Variants in CPNE3 observed in about 807,000 individuals in gnomAD.
The protein encoded by CPNE3 is copine-3.
In CPNE3, 68 loss-of-function variants were observed where a neutral mutation model predicts 63.9. The ratio of observed to expected loss-of-function variants is 1.06; its 90% CI spans 0.87 to 1.30. CPNE3 has a LOEUF of 1.30. Ranked by LOEUF, CPNE3 falls within the 50% of genes most tolerant of loss-of-function variation. The pLI is 0.00. For synonymous variants in CPNE3, 219 were observed against 197.5 expected (o/e 1.11, Z -0.91); for missense variants, 665 against 578.1 (o/e 1.15, Z -1.54).
rs147297693 is a variant in CPNE3 at position 86,551,856 on chromosome 8, G to A, written c.1120+622G>A. ...TTTAAAAAAATAGAGACAAGGTCTC[G>A]CTATGTTGGCCAGGCTGGTCTTGAA... On this transcript the variant is annotated intron_variant, in intron 14 of 16. Coordinates refer to ENST00000517490, the MANE Select transcript of CPNE3 (RefSeq NM_003909.5). Among the ~76,000 whole-genome samples the A allele has an allele frequency of 5.9e-5, 9 of 152,282 alleles. No individual in the cohort carries two copies. The South Asian group carries it at 6.2e-4, about 11-fold the overall frequency.
rs1446525803 is a variant in CPNE3 at position 86,551,067 on chromosome 8, T to A, written c.1035T>A (p.Phe345Leu). 4 of 1,609,898 alleles carry A rather than the reference T, an allele frequency of 2.5e-6. No homozygotes were observed. The highest frequency in any genetic ancestry group is 3.4e-6 in the Non-Finnish European group (4 of 1,177,988). ...DYDADKMFPA[F>L]GFGAQIPPQW... ...TTAGTGATAAGATGTTTCCAGCTTT[T>A]GGTTTTGGCGCTCAGATACCTCCTC... The change falls in exon 13 of 17, where the codon TTT becomes TTA. Residue 345 changes from phenylalanine (F) to leucine (L), a missense_variant. Phe to Leu is a conservative substitution (Grantham distance 22). Coordinates refer to ENST00000517490, the MANE Select transcript of CPNE3 (RefSeq NM_003909.5).
rs942686420 is a variant in CPNE3 at position 86,558,592 on chromosome 8, T to C, written c.*182T>C. The C allele has an allele frequency of 1.1e-4, 62 of 547,024 alleles. No individual in the cohort carries two copies. Among genetic ancestry groups the C allele is most frequent in the Middle Eastern group, 9.1e-4 (3 of 3,306 alleles). The allele number at this position is 547,024 out of a possible 1,614,324, so 33.9% of individuals were successfully genotyped here. On this transcript the variant is annotated 3_prime_UTR_variant, in exon 17 of 17. Coordinates refer to ENST00000517490, the MANE Select transcript of CPNE3 (RefSeq NM_003909.5). ...TTTTGGGGGGACAGTGCCAAGTCCA[T>C]CTTTGCCCAGTCAATTCAGTGATTG... is the stretch of plus-strand genomic sequence containing the variant.
rs754566680 is a variant in CPNE3 at position 86,544,768 on chromosome 8, G to A, written c.662G>A (p.Gly221Glu). 1.3e-6 allele frequency: 2 copies of A among 1,555,090 alleles called. No homozygotes were observed. The highest frequency in any genetic ancestry group is 1.4e-5 in the African/African-American group (1 of 72,098). ...GAGTGTTATGATTATGACAATGATG[G>A]GTCACATGATCTCATTGGAACATTT... ...KVECYDYDND[G>E]SHDLIGTFQT... The change falls in exon 9 of 17, where the codon GGG (glycine) becomes GAG (glutamate). Residue 221 changes from glycine to glutamate, a missense_variant. By Grantham distance (98) the Gly-to-Glu change is moderately conservative. Coordinates refer to ENST00000517490, the MANE Select transcript of CPNE3 (RefSeq NM_003909.5).
In CPNE3 at chr8:86,533,456, AG is replaced by A. The variant is rs573266257; in HGVS notation, c.459+878del. ...TGAGGTGGGAGGATTGCTTGAGCCC[AG>A]GAGGTCAAAACTACAGTGAGCAGTG... On this transcript the variant is annotated intron_variant, in intron 6 of 16. Transcript: ENST00000517490. Among the ~76,000 whole-genome samples the A allele has an allele frequency of 8.5e-5, 13 of 152,236 alleles. No individual in the cohort carries two copies. In the South Asian group the frequency reaches 2.5e-3, roughly 29 times the overall value.
chr8:86,517,918 A>G (rs917409127), intron 2 of CPNE3, among the ~76,000 whole-genome samples: 3 of 152,212 alleles, frequency 2.0e-5, no homozygotes, highest in African/African-American at 7.2e-5. Flanking sequence ...TGATTGGGAA[A>G]TATAAAGGGA....
chr8:86,534,737 TAGAG>T (rs1459665860), intron 6 of CPNE3, among the ~76,000 whole-genome samples: 4 of 152,212 alleles, frequency 2.6e-5, no homozygotes, highest in Non-Finnish European at 4.4e-5. Context: ...AATCTTTCTA[TAGAG>T]AGAAACTTCC....
chr8:86,550,324 C>T (rs902196537), intron 12 of CPNE3, among the ~76,000 whole-genome samples: 1 of 152,168 alleles, frequency 6.6e-6, no homozygotes, highest in Non-Finnish European at 1.5e-5. Flanking sequence ...TCACAGTTCA[C>T]TGCAGCCTCC....
chr8:86,522,396 G>A (rs1820453353), intron 2 of CPNE3, among the ~76,000 whole-genome samples: 2 of 152,044 alleles, frequency 1.3e-5, no homozygotes, highest in South Asian at 2.1e-4. Context: ...TGAGCTACAA[G>A]CGCTTCTGTT....
chr8:86,558,328 T>C lies in CPNE3; in HGVS notation c.1532T>C (p.Ile511Thr). The stretch of plus-strand genomic sequence containing the variant: ...CTTGCTCAGTGTGTCTTGGCAGAGA[T>C]TCCCCAGCAGGTGGTGGGCTACTTC... The part of the protein sequence containing the change: ...EALAQCVLAE[I>T]PQQVVGYFNT... Residue 511 changes from isoleucine to threonine, a missense_variant, in exon 17 of 17, where the codon ATT (isoleucine) becomes ACT (threonine). Transcript: ENST00000517490. The C allele has an allele frequency of 1.1e-6, 1 of 872,962 alleles. No individual in the cohort carries two copies. The highest frequency in any genetic ancestry group is 2.4e-5 in the East Asian group (1 of 41,694). The allele number at this position is 872,962 out of a possible 1,614,324, so 54.1% of individuals were successfully genotyped here.
chr8:86,514,848 G>C (rs1411308660), intron 1 of CPNE3: 1 of 152,356 alleles, frequency 6.6e-6, no homozygotes, highest in Admixed American at 6.5e-5. Context: ...CCTGGCGCTC[G>C]CGCACCTGGG....
rs551142539 is a variant in CPNE3 at position 86,546,279 on chromosome 8, T to C, written c.733-316T>C. ...TATATCATAGGGCCCAACTCTATGG[T>C]AAAATATGCAGCAAAGAGAAAAAAG... On this transcript the variant is annotated intron_variant, in intron 9 of 16. Coordinates refer to ENST00000517490, the MANE Select transcript of CPNE3 (RefSeq NM_003909.5). Among the ~76,000 whole-genome samples, 21 of 152,218 alleles carry C rather than the reference T, an allele frequency of 1.4e-4. No individual in the cohort carries two copies. In the South Asian group the frequency reaches 3.7e-3, roughly 27 times the overall value.
intron 4 of CPNE3, among the ~76,000 whole-genome samples, chr8:86,530,203 T>C (rs1820641811): frequency 6.8e-6 from 1 of 147,566 alleles, no homozygotes. Flanking sequence ...AGGGTCTCAC[T>C]AAGTCACCCA....
intron 12 of CPNE3, among the ~76,000 whole-genome samples, chr8:86,550,403 ATCTT>A (rs1473601735): frequency 2.0e-5 from 3 of 152,188 alleles, no homozygotes; most frequent in Non-Finnish European, 4.4e-5. Context: ...CATAGGCTCT[ATCTT>A]CAGTGCAAAA....
chr8:86,525,579 A>C (rs1820524769), intron 2 of CPNE3, among the ~76,000 whole-genome samples: 1 of 152,228 alleles, frequency 6.6e-6, no homozygotes. Flanking sequence ...AATTGGTTAA[A>C]TAATCAGCTG....
rs371655502 is a variant in CPNE3 at position 86,531,519 on chromosome 8, G to A, written c.387+290G>A. Among the ~76,000 whole-genome samples the A allele has an allele frequency of 5.3e-5, 8 of 152,082 alleles. No individual in the cohort carries two copies. In the East Asian group the frequency reaches 1.3e-3, roughly 26 times the overall value. On this transcript the variant is annotated intron_variant, in intron 5 of 16. Transcript: ENST00000517490. Reference sequence around the variant, plus strand: ...TCTCTGTGGAAGTGTCTATTCTTACGTGAGAGAGAAACTGCTTAATAATCT... The same window carrying A: ...TCTCTGTGGAAGTGTCTATTCTTACATGAGAGAGAAACTGCTTAATAATCT...
chr8:86,535,618 G>C (rs1231574872), intron 6 of CPNE3, among the ~76,000 whole-genome samples: 1 of 151,716 alleles, frequency 6.6e-6, no homozygotes, highest in Non-Finnish European at 1.5e-5. Context: ...CAGTGAGCCG[G>C]GATCGTACCA....
intron 2 of CPNE3, among the ~76,000 whole-genome samples, chr8:86,517,446 GT>G (rs1820339829): frequency 6.6e-6 from 1 of 152,096 alleles, no homozygotes; most frequent in South Asian, 2.1e-4. Flanking sequence ...CTGGCTTTTA[GT>G]TTACCACGCC....
At position 86,558,267 on chromosome 8, in the gene CPNE3, TTTTA is replaced by T. The variant is rs750542742; in HGVS notation, c.1492-17_1492-14del. 1 of 872,624 alleles carries T rather than the reference TTTTA, an allele frequency of 1.1e-6. No individual in the cohort carries two copies. Among genetic ancestry groups the T allele is most frequent in the African/African-American group, 1.6e-5 (1 of 61,304 alleles). 54.1% of individuals were successfully genotyped at this position (872,624 alleles called of 1,614,324 possible). ...AAAATTCAGTTGCTAATAAAGTCAC[TTTTA>T]TTTTGTTTTTCACAAGGCTCCAAAA... On this transcript the variant is annotated splice_polypyrimidine_tract_variant and intron_variant, in intron 16 of 16. Coordinates refer to ENST00000517490, the MANE Select transcript of CPNE3 (RefSeq NM_003909.5).
chr8:86,535,622 C>T (rs959316913), intron 6 of CPNE3, among the ~76,000 whole-genome samples: 6 of 152,062 alleles, frequency 3.9e-5, no homozygotes, highest in African/African-American at 1.4e-4. Flanking sequence ...GAGCCGGGAT[C>T]GTACCACTAC....
Sources: allele counts gnomAD v4.1 joint callset (sites outside exome capture counted in the v4.1 genomes callset), GRCh38; gene constraint gnomAD v4.1.1; transcripts MANE v1.5; gene names NCBI Gene and HGNC (gene_info 2026-07-23, HGNC 2026-07-21).